UNC5C: variants seen among roughly 807,000 people sequenced by gnomAD.
UNC5C encodes the protein unc-5 netrin receptor C, also known as netrin receptor UNC5C.
A neutral mutation model predicts 99.8 loss-of-function variants in UNC5C; 47 were observed. That is an observed-to-expected ratio of 0.47 (90% confidence interval 0.37 to 0.60). The LOEUF is 0.60. Ranked by LOEUF, UNC5C falls within the 20% of genes least tolerant of loss-of-function variation. The pLI, the probability that UNC5C is intolerant of heterozygous loss-of-function variation, is 0.00. For missense variants in UNC5C, 1,062 were observed against 1,165.9 expected (o/e 0.91, Z 1.30); for synonymous variants, 487 against 452.2 (o/e 1.08, Z -0.98).
intron 4 of UNC5C, among the ~76,000 whole-genome samples, chr4:95,257,201 A>G (rs1324591466): frequency 2.6e-5 from 4 of 152,252 alleles, no homozygotes; most frequent in Non-Finnish European, 5.9e-5. Context: ...TGAAGTCCTT[A>G]CAACCAGCCT....
intron 1 of UNC5C, among the ~76,000 whole-genome samples, chr4:95,455,726 TAC>T (rs1482768518): frequency 1.3e-5 from 2 of 152,098 alleles, no homozygotes; most frequent in Non-Finnish European, 2.9e-5. Flanking sequence ...TGCATCTGCA[TAC>T]AGAGAGAAAA....
intron 1 of UNC5C, among the ~76,000 whole-genome samples, chr4:95,346,739 CA>C (rs1310499590): frequency 6.6e-6 from 1 of 151,746 alleles, no homozygotes; most frequent in Non-Finnish European, 1.5e-5. Context: ...AAGACTAAAA[CA>C]AACTGAGTAT....
intron 1 of UNC5C, among the ~76,000 whole-genome samples, chr4:95,382,669 T>C (rs1412401093): frequency 1.3e-5 from 2 of 151,858 alleles, no homozygotes; most frequent in Non-Finnish European, 2.9e-5. Context: ...CAGTATAGAG[T>C]CCTCAGGTGG....
At chr4:95,543,902 T>G (rs1240437574) in intron 1 of UNC5C, among the ~76,000 whole-genome samples, 1 of 152,174 alleles carries the variant, frequency 6.6e-6, no homozygotes, top group African/African-American at 2.4e-5. Flanking sequence ...AGAACTGTAC[T>G]CTGTCCAGGA....
intron 1 of UNC5C, among the ~76,000 whole-genome samples, chr4:95,410,590 G>C (rs1745954894): frequency 1.3e-5 from 2 of 152,186 alleles, no homozygotes; most frequent in Non-Finnish European, 2.9e-5. Context: ...CTACCGCCCA[G>C]AGCAGAATGA....
chr4:95,306,349 C>A (rs924321307), intron 2 of UNC5C, among the ~76,000 whole-genome samples: 1 of 152,022 alleles, frequency 6.6e-6, no homozygotes, highest in South Asian at 2.1e-4. Context: ...ACTACAGGTG[C>A]CTGCCACCAT....
intron 2 of UNC5C, among the ~76,000 whole-genome samples, chr4:95,332,053 G>A (rs1743133931): frequency 6.6e-6 from 1 of 152,018 alleles, no homozygotes; most frequent in Non-Finnish European, 1.5e-5. Flanking sequence ...ACAAACCACT[G>A]CTCAATGAAA....
intron 2 of UNC5C, among the ~76,000 whole-genome samples, chr4:95,315,606 C>T (rs1742445335): frequency 6.6e-6 from 1 of 152,080 alleles, no homozygotes; most frequent in Non-Finnish European, 1.5e-5. Flanking sequence ...AGGACACATA[C>T]TTTTGTGGAT....
intron 1 of UNC5C, among the ~76,000 whole-genome samples, chr4:95,378,111 T>C (rs1744949872): frequency 6.6e-6 from 1 of 152,168 alleles, no homozygotes; most frequent in Admixed American, 6.6e-5. Flanking sequence ...CAAGATTCAG[T>C]AGTTTATATA....
Position 95,335,421 on chromosome 4 carries a change from T to A in UNC5C, c.335A>T (p.Asp112Val), listed in dbSNP as rs780431259. ...QKDHIVDERV[D>V]ETSGLIVREV... ...AATGGAAAACTCACCGGAAGTTTCA[T>A]CTACTCTTTCATCTACTATGTGGTC... The change falls in exon 2 of 16, where the codon GAT becomes GTT. Residue 112 changes from aspartate to valine, a missense_variant. By Grantham distance (152) the Asp-to-Val change is radical. This residue lies in a region of UNC5C where 249 missense variants were observed against 295.1 expected (regional missense o/e 0.84). Transcript: ENST00000453304. 1 of 1,611,110 alleles carries A rather than the reference T, an allele frequency of 6.2e-7. No homozygotes were observed. Among genetic ancestry groups the A allele is most frequent in the Non-Finnish European group, 8.5e-7 (1 of 1,178,332 alleles).
intron 12 of UNC5C, among the ~76,000 whole-genome samples, chr4:95,190,847 G>A (rs1049641973): frequency 3.3e-5 from 5 of 152,184 alleles, no homozygotes; most frequent in Admixed American, 6.5e-5. Flanking sequence ...CAGACTGGCC[G>A]GCCCAGAGTG....
rs545004626 is a variant in UNC5C, at chr4:95,504,015, C to A, written c.124+44719G>T. 3.9e-5 allele frequency among the ~76,000 whole-genome samples: 6 copies of A among 152,220 alleles called. No individual in the cohort carries two copies. The South Asian group carries it at 1.2e-3, about 32-fold the overall frequency. On this transcript the variant is annotated intron_variant, in intron 1 of 15. Coordinates refer to ENST00000453304, the MANE Select transcript of UNC5C (RefSeq NM_003728.4). Reference sequence around the variant, plus strand: ...TCAAATTTATGTCATTAATCAATCACCACTATGTAATATCACTAAGAATCC... The same window carrying A: ...TCAAATTTATGTCATTAATCAATCAACACTATGTAATATCACTAAGAATCC...
At chr4:95,314,525 A>C (rs1742398670) in intron 2 of UNC5C, among the ~76,000 whole-genome samples, 1 of 152,236 alleles carries the variant, frequency 6.6e-6, no homozygotes, top group African/African-American at 2.4e-5. Flanking sequence ...TCAATAACAC[A>C]GGTGAGGCAG....
chr4:95,282,890 G>A (rs1200198658), intron 3 of UNC5C, among the ~76,000 whole-genome samples: 3 of 152,116 alleles, frequency 2.0e-5, no homozygotes, highest in Non-Finnish European at 4.4e-5. Context: ...GCTGGTTTTG[G>A]ACTAAGGGGG....
chr4:95,397,911 A>G (rs1207873888), intron 1 of UNC5C, among the ~76,000 whole-genome samples: 1 of 152,210 alleles, frequency 6.6e-6, no homozygotes, highest in Non-Finnish European at 1.5e-5. Context: ...TTAGAGCAGT[A>G]GCATTATTAA....
At chr4:95,548,082 G>A (rs1024128630) in intron 1 of UNC5C, among the ~76,000 whole-genome samples, 1 of 152,314 alleles carries the variant, frequency 6.6e-6, no homozygotes, top group South Asian at 2.1e-4. Flanking sequence ...CATGAAGCGG[G>A]GTATGTATGA....
chr4:95,259,457 C>T (rs1309525633), intron 4 of UNC5C, among the ~76,000 whole-genome samples: 6 of 152,272 alleles, frequency 3.9e-5, no homozygotes, highest in African/African-American at 4.8e-5. Context: ...TTTCAGCCTT[C>T]GCTGGCATTT....
intron 1 of UNC5C, among the ~76,000 whole-genome samples, chr4:95,513,726 G>A (rs1472898154): frequency 6.6e-6 from 1 of 152,122 alleles, no homozygotes; most frequent in Non-Finnish European, 1.5e-5. Flanking sequence ...CTTTAGAGCA[G>A]GCTGGCAAAA....
intron 1 of UNC5C, among the ~76,000 whole-genome samples, chr4:95,337,891 C>A (rs868067396): frequency 2.6e-4 from 39 of 151,894 alleles, no homozygotes; most frequent in African/African-American, 7.0e-4. Flanking sequence ...TAGAGAGATG[C>A]CTTAGCCAAC....
Sources: allele counts gnomAD v4.1 joint callset (sites outside exome capture counted in the v4.1 genomes callset), GRCh38; gene constraint gnomAD v4.1.1; regional missense constraint gnomAD v4.1.1; transcripts MANE v1.5; gene names NCBI Gene and HGNC (gene_info 2026-07-23, HGNC 2026-07-21).